RBMS3: variants seen among roughly 807,000 people sequenced by gnomAD.
RBMS3 encodes the protein RNA-binding motif, single-stranded-interacting protein 3.
Under a neutral mutation model 66.8 loss-of-function variants are expected in RBMS3, and 27 were observed. That is an observed-to-expected ratio of 0.40 (90% CI 0.30 to 0.56). RBMS3 has a LOEUF of 0.56. RBMS3 is among the 20% of genes least tolerant of loss of function. RBMS3 has a pLI of 0.40. For missense variants in RBMS3, 513 were observed against 549.5 expected (o/e 0.93, Z 0.66); for synonymous variants, 188 against 183.0 (o/e 1.03, Z -0.22).
rs916800052 is a variant in RBMS3, at chr3:30,007,456, T to C, written c.*3594T>C. The C allele has an allele frequency of 6.6e-6, 1 of 152,064 alleles. No individual in the cohort carries two copies. The highest frequency in any genetic ancestry group is 2.4e-5 in the African/African-American group (1 of 41,436). The allele number at this position is 152,064 out of a possible 1,614,324, so 9.4% of individuals were successfully genotyped here. On this transcript the variant is annotated 3_prime_UTR_variant, in exon 15 of 15. Coordinates refer to ENST00000383767, the MANE Select transcript of RBMS3 (RefSeq NM_001003793.3). ...TTAGCTTAAACATCAGGAAACAAAC[T>C]AAAGCCACAATCCAAATGAGAGAAA...
At chr3:29,501,018 T>C (rs1008073546) in intron 3 of RBMS3, among the ~76,000 whole-genome samples, 2 of 152,296 alleles carry the variant, frequency 1.3e-5, no homozygotes, top group Non-Finnish European at 2.9e-5. Context: ...ATTAAGCATC[T>C]GCTATGTTAC....
At chr3:29,698,765 T>A in intron 4 of RBMS3, 1 of 401,686 alleles carries the variant, frequency 2.5e-6, no homozygotes. Context: ...TTATAGAGCT[T>A]ATTTTTAATT....
At chr3:29,763,113 T>C (rs2055768844) in intron 6 of RBMS3, 124 bp downstream of exon 6, 1 of 611,410 alleles carries the variant, frequency 1.6e-6, no homozygotes, top group Admixed American at 3.6e-5. Context: ...TCTTAATGTG[T>C]ATTTTCAAAT....
chr3:29,892,242 G>A (rs764634321), intron 8 of RBMS3, among the ~76,000 whole-genome samples: 35 of 151,422 alleles, frequency 2.3e-4, no homozygotes, highest in South Asian at 4.1e-4. Context: ...TTAGACTTCC[G>A]TGGATCACAC....
chr3:29,415,426 C>G (rs2040440475), intron 1 of RBMS3, among the ~76,000 whole-genome samples: 1 of 152,130 alleles, frequency 6.6e-6, no homozygotes, highest in Non-Finnish European at 1.5e-5. Flanking sequence ...TGCTAATGGT[C>G]AGGGAGACTG....
intron 1 of RBMS3, among the ~76,000 whole-genome samples, chr3:29,291,695 T>C (rs1207931199): frequency 1.3e-5 from 2 of 151,806 alleles, no homozygotes; most frequent in African/African-American, 4.8e-5. Context: ...CATTTCTTCC[T>C]TTTCCCCAGT....
rs928002473 is a variant in RBMS3 at position 30,007,623 on chromosome 3, C to G, written c.*3761C>G. On this transcript the variant is annotated 3_prime_UTR_variant, in exon 15 of 15. Transcript: ENST00000383767. Reference sequence around the variant, plus strand: ...ACATGGCCATGTCTTCTAAAGACAACGTAATGAGCCCAAGTGAACTGAAGG... The same window carrying G: ...ACATGGCCATGTCTTCTAAAGACAAGGTAATGAGCCCAAGTGAACTGAAGG... The G allele has an allele frequency of 1.3e-5, 2 of 152,024 alleles. No individual in the cohort carries two copies. Among genetic ancestry groups the G allele is most frequent in the African/African-American group, 4.8e-5 (2 of 41,428 alleles). The allele number at this position is 152,024 out of a possible 1,614,324, so 9.4% of individuals were successfully genotyped here. A position where few individuals can be genotyped will look rare whatever the true frequency, so the allele number is the denominator to read the frequency against.
At chr3:29,332,013 A>G in intron 1 of RBMS3, among the ~76,000 whole-genome samples, 1 of 151,810 alleles carries the variant, frequency 6.6e-6, no homozygotes, top group East Asian at 1.9e-4. Flanking sequence ...CAAGCAACTC[A>G]CATGGTGTCT....
intron 10 of RBMS3, among the ~76,000 whole-genome samples, chr3:29,933,668 A>T (rs548273395): frequency 2.1e-3 from 325 of 152,264 alleles, no homozygotes; most frequent in Middle Eastern, 6.8e-3. Flanking sequence ...TTTATGTGCA[A>T]TAACTGATCT....
chr3:29,719,080 A>G (rs1050470974), intron 4 of RBMS3, among the ~76,000 whole-genome samples: 4 of 152,142 alleles, frequency 2.6e-5, no homozygotes, highest in African/African-American at 9.7e-5. Flanking sequence ...TGAATCACCT[A>G]TGGATCTTGT....
At chr3:29,319,680 G>C (rs2034895207) in intron 1 of RBMS3, among the ~76,000 whole-genome samples, 1 of 151,892 alleles carries the variant, frequency 6.6e-6, no homozygotes, top group African/African-American at 2.4e-5. Flanking sequence ...ATGAAATTTG[G>C]ATTTTTAACT....
chr3:29,578,405 T>C (rs1463473428), intron 3 of RBMS3, among the ~76,000 whole-genome samples: 1 of 152,194 alleles, frequency 6.6e-6, no homozygotes, highest in Non-Finnish European at 1.5e-5. Flanking sequence ...TAGTTAAACT[T>C]GTATTTGATA....
intron 6 of RBMS3, among the ~76,000 whole-genome samples, chr3:29,834,458 G>A (rs1429275436): frequency 2.6e-5 from 4 of 151,778 alleles, no homozygotes; most frequent in Non-Finnish European, 5.9e-5. Flanking sequence ...AAATGGGGTG[G>A]GCAGCAGTGT....
chr3:29,879,076 A>C (rs1302695142), intron 7 of RBMS3, among the ~76,000 whole-genome samples: 5 of 151,742 alleles, frequency 3.3e-5, no homozygotes, highest in Non-Finnish European at 7.4e-5. Context: ...AAGTCAAAAC[A>C]ATGCATGAAA....
At chr3:29,309,131 C>G (rs576549093) in intron 1 of RBMS3, among the ~76,000 whole-genome samples, 1 of 151,618 alleles carries the variant, frequency 6.6e-6, no homozygotes, top group African/African-American at 2.4e-5. Flanking sequence ...TACTTTGATT[C>G]ATGGGCATGA....
intron 4 of RBMS3, among the ~76,000 whole-genome samples, chr3:29,662,858 A>G (rs957798955): frequency 6.6e-6 from 1 of 152,180 alleles, no homozygotes; most frequent in Non-Finnish European, 1.5e-5. Context: ...ATTAATATGA[A>G]AATAAATGAT....
At chr3:29,616,725 G>A (rs2149143518) in intron 4 of RBMS3, 2 of 152,036 alleles carry the variant, frequency 1.3e-5, no homozygotes, top group Middle Eastern at 3.4e-3. Flanking sequence ...TATTCCCTAG[G>A]GATTTTGTTT....
intron 1 of RBMS3, among the ~76,000 whole-genome samples, chr3:29,378,336 G>T (rs2038585696): frequency 6.6e-6 from 1 of 152,034 alleles, no homozygotes; most frequent in Non-Finnish European, 1.5e-5. Flanking sequence ...GCCGGGGGTG[G>T]TGGTGGGCAC....
chr3:29,588,053 G>A (rs1339837999), intron 4 of RBMS3, among the ~76,000 whole-genome samples: 1 of 151,944 alleles, frequency 6.6e-6, no homozygotes, highest in African/African-American at 2.4e-5. Flanking sequence ...TGTAAAATTT[G>A]TAGAAACCTC....
Sources: allele counts gnomAD v4.1 joint callset (sites outside exome capture counted in the v4.1 genomes callset), GRCh38; gene constraint gnomAD v4.1.1; transcripts MANE v1.5; gene names NCBI Gene and HGNC (gene_info 2026-07-23, HGNC 2026-07-21).